Variants in BBC3 observed in about 807,000 individuals in gnomAD.
BBC3 encodes the protein bcl-2-binding component 3.
In BBC3, 5 loss-of-function variants were observed where a neutral mutation model predicts 18.2. The observed-to-expected ratio is 0.27, with a 90% CI of 0.14 to 0.58. The LOEUF (loss-of-function observed/expected upper bound fraction) is 0.58, where lower values mean the gene tolerates loss of function less well. BBC3 is among the 20% of genes least tolerant of loss of function. BBC3 has a pLI of 0.91. For synonymous variants in BBC3, 119 were observed against 128.0 expected (o/e 0.93, Z 0.47); for missense variants, 224 against 268.9 (o/e 0.83, Z 1.17).
chr19:47,229,333 A>G lies in BBC3; in HGVS notation c.-15-887T>C, dbSNP rs573272045. The stretch of plus-strand genomic sequence containing the variant: ...ACACACATACATCAACACCCCCAAA[A>G]CACACCCACATGTCACCAACTCTCA... On this transcript the variant is annotated intron_variant, in intron 1 of 3. Transcript: ENST00000439096. Among the ~76,000 whole-genome samples, 46 of 151,736 alleles carry G rather than the reference A, an allele frequency of 3.0e-4. 1 individual carries two copies. The East Asian group carries it at 6.2e-3, about 20-fold the overall frequency.
At position 47,228,086 on chromosome 19, in the gene BBC3, T is replaced by C; in HGVS notation, c.274+72A>G. On this transcript the variant is annotated intron_variant, in intron 2 of 3. Transcript: ENST00000439096. The surrounding 1 kb of genome is among the most constrained non-coding windows in gnomAD (Gnocchi z 5.5). Reference sequence around the variant, plus strand: ...ACCTCCCCCCGTCCTCTCCCACTTCTCCAGTTCCTCCGAGTCTCCAGCCCT... The same window carrying C: ...ACCTCCCCCCGTCCTCTCCCACTTCCCCAGTTCCTCCGAGTCTCCAGCCCT... The C allele has an allele frequency of 8.7e-7, 1 of 1,152,448 alleles. No homozygotes were observed. Among genetic ancestry groups the C allele is most frequent in the Non-Finnish European group, 1.1e-6 (1 of 921,060 alleles). 71.4% of individuals were successfully genotyped at this position (1,152,448 alleles called of 1,614,324 possible).
intron 3 of BBC3, among the ~76,000 whole-genome samples, chr19:47,225,852 C>T (rs1469557506): frequency 1.3e-5 from 2 of 152,266 alleles, no homozygotes; most frequent in Non-Finnish European, 2.9e-5. Flanking sequence ...GAGAGGCCAA[C>T]TCGAGAGATT....
intron 3 of BBC3, among the ~76,000 whole-genome samples, chr19:47,224,755 G>A (rs1388635399): frequency 1.4e-5 from 2 of 139,674 alleles, no homozygotes; most frequent in South Asian, 4.4e-4. Flanking sequence ...TTTTGAGACA[G>A]AGTTTCATTC....
chr19:47,229,061 G>A (rs923765856), intron 1 of BBC3, among the ~76,000 whole-genome samples: 3 of 151,844 alleles, frequency 2.0e-5, no homozygotes, highest in Non-Finnish European at 4.4e-5. Flanking sequence ...TACATACTGC[G>A]CACACTGGCT....
chr19:47,231,862 T>G (rs1184196923), upstream of BBC3, among the ~76,000 whole-genome samples: 1 of 151,978 alleles, frequency 6.6e-6, no homozygotes, highest in Non-Finnish European at 1.5e-5. This position sits in a 1 kb window ranked among gnomAD's most constrained non-coding sequence, Gnocchi z 4.0. Context: ...ACACACACGG[T>G]GGTGCAACCA....
chr19:47,231,164 C>G lies in BBC3; in HGVS notation c.-251G>C. 1.0e-6 allele frequency: 1 copy of G among 984,970 alleles called. No individual in the cohort carries two copies. The highest frequency in any genetic ancestry group is 1.2e-6 in the Non-Finnish European group (1 of 829,812). The allele number at this position is 984,970 out of a possible 1,614,324, so 61.0% of individuals were successfully genotyped here. A position where few individuals can be genotyped will look rare whatever the true frequency, so the allele number is the denominator to read the frequency against. On this transcript the variant is annotated 5_prime_UTR_variant, in exon 1 of 4. Coordinates refer to ENST00000439096, the MANE Select transcript of BBC3 (RefSeq NM_014417.5). The surrounding 1 kb of genome is among the most constrained non-coding windows in gnomAD (Gnocchi z 4.0). ...TCGCTGGTGCCGCCGCCGCCGCCGC[C>G]AGGCGCCCGCTCGCATGTGGCTCGC...
chr19:47,223,231 A>G (rs1440962138), intron 3 of BBC3, among the ~76,000 whole-genome samples: 1 of 151,076 alleles, frequency 6.6e-6, no homozygotes, highest in Non-Finnish European at 1.5e-5. Context: ...AGATGGCGCC[A>G]CTGCACTCCA....
chr19:47,232,397 A>C, upstream of BBC3: 1 of 814,014 alleles, frequency 1.2e-6, no homozygotes, highest in Non-Finnish European at 1.9e-6. Context: ...GACACAAACC[A>C]AATCAGACAT....
intron 3 of BBC3, among the ~76,000 whole-genome samples, chr19:47,225,907 C>A (rs1034732427): frequency 6.6e-6 from 1 of 152,168 alleles, no homozygotes; most frequent in Admixed American, 6.5e-5. Flanking sequence ...GAGTAAGGAG[C>A]TTCACCACAT....
In BBC3 at chr19:47,221,432, C is replaced by CCA. The variant is rs1432933137; in HGVS notation, c.*369_*370insTG. On this transcript the variant is annotated 3_prime_UTR_variant, in exon 4 of 4. Transcript: ENST00000439096. ...AAGGAGCACCGAGAGGAGAGCCCCC[C>CCA]CCTCCCAGTGTCACCCCTGCAGCTG... The CCA allele has an allele frequency of 7.4e-5, 19 of 255,416 alleles. 2 individuals are homozygous for CCA. The highest frequency in any genetic ancestry group is 7.4e-4 in the East Asian group (6 of 8,100). 15.8% of individuals were successfully genotyped at this position (255,416 alleles called of 1,614,324 possible). A position where few individuals can be genotyped will look rare whatever the true frequency, so the allele number is the denominator to read the frequency against.
rs555210072 is a variant in BBC3, at chr19:47,224,231, G to A, written c.466-2313C>T. Among the ~76,000 whole-genome samples, 5 of 152,120 alleles carry A rather than the reference G, an allele frequency of 3.3e-5. No individual in the cohort carries two copies. The South Asian group carries it at 1.0e-3, about 32-fold the overall frequency. ...AATCACTTGAACCCGGGAGGTGAAG[G>A]TTGCAATGGGCCGAGATTGCACCAT... is the stretch of plus-strand genomic sequence containing the variant. On this transcript the variant is annotated intron_variant, in intron 3 of 3. Transcript: ENST00000439096.
intron 3 of BBC3, among the ~76,000 whole-genome samples, chr19:47,224,390 AGGCAG>A (rs927874077): frequency 1.7e-4 from 26 of 152,182 alleles, no homozygotes; most frequent in African/African-American, 5.8e-4. Context: ...TGGGAGGCCA[AGGCAG>A]GAGGATCACT....
rs932817108 is a variant in BBC3 at position 47,221,543 on chromosome 19, C to G, written c.*259G>C. 32 of 676,704 alleles carry G rather than the reference C, an allele frequency of 4.7e-5. No homozygotes were observed. The highest frequency in any genetic ancestry group is 6.8e-5 in the Non-Finnish European group (29 of 426,126). The allele number at this position is 676,704 out of a possible 1,614,324, so 41.9% of individuals were successfully genotyped here. A position where few individuals can be genotyped will look rare whatever the true frequency, so the allele number is the denominator to read the frequency against. On this transcript the variant is annotated 3_prime_UTR_variant, in exon 4 of 4. Transcript: ENST00000439096. ...TCAGTCCCCACCCCCTCGGTCACCG[C>G]CACCTTCCGATGCTGAGTCCATCAG...
At chr19:47,223,009 G>A (rs1340656334) in intron 3 of BBC3, among the ~76,000 whole-genome samples, 5 of 148,386 alleles carry the variant, frequency 3.4e-5, no homozygotes, top group Admixed American at 6.8e-5. Context: ...GGTGGCTCAC[G>A]CCTGTAATCC....
chr19:47,226,053 T>TA (rs1271679184), intron 3 of BBC3, among the ~76,000 whole-genome samples: 1 of 149,674 alleles, frequency 6.7e-6, no homozygotes, highest in East Asian at 2.0e-4. Context: ...ATATTTGTTT[T>TA]AAAAAATCGA....
chr19:47,225,870 G>C (rs1011217632), intron 3 of BBC3, among the ~76,000 whole-genome samples: 5 of 152,188 alleles, frequency 3.3e-5, no homozygotes, highest in Non-Finnish European at 5.9e-5. Flanking sequence ...ATTTCCTTTG[G>C]ATGCAAGGAG....
At chr19:47,229,488 A>C (rs1461709793) in intron 1 of BBC3, among the ~76,000 whole-genome samples, 4 of 151,248 alleles carry the variant, frequency 2.6e-5, no homozygotes, top group Non-Finnish European at 4.4e-5. Flanking sequence ...ACACACACAC[A>C]CCCTACAGCT....
intron 3 of BBC3, among the ~76,000 whole-genome samples, chr19:47,223,575 A>G (rs908920488): frequency 3.9e-5 from 6 of 152,172 alleles, no homozygotes; most frequent in Non-Finnish European, 8.8e-5. Flanking sequence ...TCAAAAAAAA[A>G]ATTTTTTTTA....
intron 3 of BBC3, among the ~76,000 whole-genome samples, chr19:47,226,145 C>A (rs1411148497): frequency 6.6e-6 from 1 of 151,842 alleles, no homozygotes; most frequent in Non-Finnish European, 1.5e-5. Flanking sequence ...CCCGCCCCGG[C>A]GCCCGGGAAA....
Sources: gnomAD v4.1 joint callset for allele counts (sites outside exome capture counted in the v4.1 genomes callset) on GRCh38, gnomAD v4.1.1 for gene constraint, Gnocchi (gnomAD v3.1) non-coding constraint, MANE v1.5 for transcripts, NCBI Gene and HGNC (gene_info 2026-07-23, HGNC 2026-07-21) for gene names.